RRM2: variants seen among roughly 807,000 people sequenced by gnomAD.
RRM2 encodes the protein ribonucleotide reductase regulatory subunit M2, also known as ribonucleoside-diphosphate reductase subunit M2.
Under a neutral mutation model 45.9 loss-of-function variants are expected in RRM2, and 6 were observed. That is an observed-to-expected ratio of 0.13 (90% CI 0.07 to 0.26). RRM2 has a LOEUF of 0.26. Ranked by LOEUF, RRM2 falls within the 10% of genes least tolerant of loss-of-function variation. RRM2 has a pLI of 1.00. For synonymous variants in RRM2, 177 were observed against 173.0 expected, an observed-to-expected ratio of 1.02 and a Z score of -0.18; for missense variants, 343 against 489.5, an observed-to-expected ratio of 0.70 and a Z score of 2.82.
intron 3 of RRM2, among the ~76,000 whole-genome samples, chr2:10,199,600 T>C (rs1664495420): frequency 6.6e-6 from 1 of 151,404 alleles, no homozygotes; most frequent in Non-Finnish European, 1.5e-5. Context: ...GCTAACACAG[T>C]GAAACCCCGT....
chr2:10,134,780 G>GGAA (rs1239758502), downstream of RRM2, among the ~76,000 whole-genome samples: 1 of 152,204 alleles, frequency 6.6e-6, no homozygotes, highest in Non-Finnish European at 1.5e-5. Context: ...CTTGTGAGTT[G>GGAA]GAAGGGATGT....
chr2:10,160,320 C>T lies in RRM2; in HGVS notation n.482+17945C>T, dbSNP rs773341634. On this transcript the variant is annotated intron_variant and non_coding_transcript_variant, in intron 3 of 3. Coordinates refer to the RRM2 transcript ENST00000381786. Reference sequence around the variant, plus strand: ...CTCACTCCCTGACAAGATGTGGGCCCCTGGGGAGCGGTGCCAAAGTCTGGT... The same window carrying T: ...CTCACTCCCTGACAAGATGTGGGCCTCTGGGGAGCGGTGCCAAAGTCTGGT... Among the ~76,000 whole-genome samples the T allele has an allele frequency of 6.4e-4, 98 of 152,314 alleles. 1 individual carries two copies. The highest frequency in any genetic ancestry group is 3.4e-3 in the Middle Eastern group (1 of 294).
At chr2:10,183,004 C>A (rs550879649) in intron 3 of RRM2, among the ~76,000 whole-genome samples, 1 of 152,134 alleles carries the variant, frequency 6.6e-6, no homozygotes. Flanking sequence ...ATTAGGAAGA[C>A]CCTGTCTCTA....
At chr2:10,148,056 A>G (rs1036028900) in intron 3 of RRM2, among the ~76,000 whole-genome samples, 10 of 149,382 alleles carry the variant, frequency 6.7e-5, no homozygotes, top group African/African-American at 1.7e-4. Context: ...AGGCAGGAGA[A>G]TTGCTTGAAC....
chr2:10,178,750 T>C (rs1572520002), intron 3 of RRM2, among the ~76,000 whole-genome samples: 1 of 152,298 alleles, frequency 6.6e-6, no homozygotes, highest in East Asian at 1.9e-4. Flanking sequence ...AATTCATATG[T>C]TGGAATCTCA....
At chr2:10,126,795 C>T in intron 5 of RRM2, 80 bp from the exon 6 acceptor site, 1 of 1,059,358 alleles carries the variant, frequency 9.4e-7, no homozygotes, top group South Asian at 1.5e-5. Context: ...GCCTTTGTCC[C>T]AGAGCTCTTA....
chr2:10,174,088 T>C (rs1041997666), intron 3 of RRM2, among the ~76,000 whole-genome samples: 1 of 152,142 alleles, frequency 6.6e-6, no homozygotes, highest in Non-Finnish European at 1.5e-5. Context: ...GCTGATCCAC[T>C]AGGATTAGGA....
intron 3 of RRM2, among the ~76,000 whole-genome samples, chr2:10,189,353 C>T (rs1664236489): frequency 6.6e-6 from 1 of 152,202 alleles, no homozygotes; most frequent in African/African-American, 2.4e-5. Flanking sequence ...CCGGAGGAGA[C>T]AGGAATGGCT....
Position 10,195,161 on chromosome 2 carries a change from G to A in RRM2, n.483-15150G>A, listed in dbSNP as rs930940795. On this transcript the variant is annotated intron_variant and non_coding_transcript_variant, in intron 3 of 3. Transcript: ENST00000381786. This position sits in a 1 kb window ranked among gnomAD's most constrained non-coding sequence, Gnocchi z 4.9. ...TGGTCTGAGCTCCTGGGGAGCTACCGAGGGCAACAGGCATGTTCTGGAAGA... is the reference window on the plus strand; with the variant it reads ...TGGTCTGAGCTCCTGGGGAGCTACCAAGGGCAACAGGCATGTTCTGGAAGA... Among the ~76,000 whole-genome samples, 6 of 152,078 alleles carry A rather than the reference G, an allele frequency of 3.9e-5. No individual in the cohort carries two copies. The East Asian group carries it at 1.2e-3, about 29-fold the overall frequency.
At chr2:10,190,236 ATGGTGGTGATGGTGGTGG>A (rs1255168941) in intron 3 of RRM2, among the ~76,000 whole-genome samples, 5 of 140,522 alleles carry the variant, frequency 3.6e-5, no homozygotes, top group Non-Finnish European at 7.7e-5. Context: ...GATGGTGATG[ATGGTGGTGATGGTGGTGG>A]TGGTGGTGAT....
At chr2:10,156,736 T>C (rs1368679321) in intron 3 of RRM2, among the ~76,000 whole-genome samples, 1 of 152,224 alleles carries the variant, frequency 6.6e-6, no homozygotes, top group African/African-American at 2.4e-5. Flanking sequence ...CCTCCTGGGC[T>C]CAAGCCATCC....
chr2:10,210,442 C>T (rs369893846), exon 4 of RRM2: 39 of 1,367,738 alleles, frequency 2.9e-5, no homozygotes, highest in Non-Finnish European at 3.0e-5. Flanking sequence ...ACCCCTGGAG[C>T]GACCCTGTTT....
intron 3 of RRM2, among the ~76,000 whole-genome samples, chr2:10,206,229 G>GA (rs1325040663): frequency 7.2e-6 from 1 of 138,820 alleles, no homozygotes; most frequent in Non-Finnish European, 1.5e-5. Context: ...CTGGGCAACA[G>GA]AGCAAGACTC....
chr2:10,124,401 C>T (rs1057164616), intron 4 of RRM2, among the ~76,000 whole-genome samples: 4 of 152,152 alleles, frequency 2.6e-5, no homozygotes, highest in South Asian at 2.1e-4. Flanking sequence ...CCACCACGCC[C>T]GGCTCTGCTC....
At chr2:10,160,196 C>G (rs1202181657) in intron 3 of RRM2, among the ~76,000 whole-genome samples, 1 of 152,244 alleles carries the variant, frequency 6.6e-6, no homozygotes, top group Non-Finnish European at 1.5e-5. Flanking sequence ...AGCTGCACCC[C>G]TTTCCAGGAA....
At chr2:10,133,576 C>T (rs546791189), downstream of RRM2, among the ~76,000 whole-genome samples, 7 of 152,330 alleles carry the variant, frequency 4.6e-5, no homozygotes, top group South Asian at 2.1e-4. Context: ...AGTTGGACTG[C>T]GTGGCCTGGC....
chr2:10,181,240 A>T (rs747006846), intron 3 of RRM2, among the ~76,000 whole-genome samples: 4 of 152,236 alleles, frequency 2.6e-5, no homozygotes, highest in Non-Finnish European at 5.9e-5. Flanking sequence ...AAACAGGCTT[A>T]GAGTGGTTAA....
exon 4 of RRM2, chr2:10,210,691 G>T (rs1271408304): frequency 2.5e-6 from 3 of 1,177,394 alleles, no homozygotes; most frequent in African/African-American, 1.6e-5. Flanking sequence ...GGGAGGGTGG[G>T]AAACTGGGGT....
chr2:10,123,136 T>A, intron 2 of RRM2, 79 bp downstream of exon 2: 1 of 1,451,240 alleles, frequency 6.9e-7, no homozygotes, highest in Non-Finnish European at 9.2e-7. Flanking sequence ...TTTCCTCAGC[T>A]GTTCACACTC....
Sources: gnomAD v4.1 joint callset for allele counts (sites outside exome capture counted in the v4.1 genomes callset) on GRCh38, gnomAD v4.1.1 for gene constraint, Gnocchi (gnomAD v3.1) non-coding constraint, MANE v1.5 for transcripts, NCBI Gene and HGNC (gene_info 2026-07-23, HGNC 2026-07-21) for gene names.